Variants in RANBP2 observed in about 807,000 individuals in gnomAD.
The protein encoded by RANBP2 is RAN binding protein 2, also known as E3 SUMO-protein ligase RanBP2.
RANBP2 carries 57 observed loss-of-function variants against 303.6 expected under a neutral mutation model. That is an observed-to-expected ratio of 0.19 (90% CI 0.15 to 0.23). RANBP2 has a LOEUF of 0.23. Ranked by LOEUF, RANBP2 falls within the 10% of genes least tolerant of loss-of-function variation. The pLI, the probability that RANBP2 is intolerant of heterozygous loss-of-function variation, is 1.00. For synonymous variants in RANBP2, 1,167 were observed against 1,301.5 expected, an observed-to-expected ratio of 0.90 and a Z score of 2.23; for missense variants, 3,138 against 3,780.8, an observed-to-expected ratio of 0.83 and a Z score of 4.46.
At chr2:109,176,091 C>G in the RANBP2 span, among the ~76,000 whole-genome samples, 1 of 152,204 alleles carries the variant, frequency 6.6e-6, no homozygotes, top group Non-Finnish European at 1.5e-5. Flanking sequence ...ACTGGAAAGC[C>G]TCATTCTGTC....
chr2:109,394,300 G>T, the RANBP2 span, among the ~76,000 whole-genome samples: 2 of 152,224 alleles, frequency 1.3e-5, no homozygotes, highest in Admixed American at 1.3e-4. Flanking sequence ...GAGACCATAG[G>T]GTGGTAAGCG....
chr2:109,489,103 G>A, the RANBP2 span, among the ~76,000 whole-genome samples: 1 of 152,226 alleles, frequency 6.6e-6, no homozygotes, highest in Non-Finnish European at 1.5e-5. Context: ...CAGTGGAGTT[G>A]GAGGCTGGGA....
the RANBP2 span, among the ~76,000 whole-genome samples, chr2:108,942,024 A>G: frequency 6.6e-6 from 1 of 152,222 alleles, no homozygotes; most frequent in African/African-American, 2.4e-5. Context: ...TGGAAACTCC[A>G]CAGGTGCCTC....
chr2:109,553,059 G>C, the RANBP2 span: 55 of 1,599,148 alleles, frequency 3.4e-5, 1 homozygote, highest in African/African-American at 6.8e-4. Context: ...AAAAATAAAT[G>C]CAAATCACAT....
At chr2:108,839,421 T>G in the RANBP2 span, 1 of 803,252 alleles carries the variant, frequency 1.2e-6, no homozygotes, top group Admixed American at 2.9e-5. Flanking sequence ...CTTCCCTATC[T>G]ATGTCTTGCT....
chr2:109,060,318 G>A, the RANBP2 span, among the ~76,000 whole-genome samples: 2 of 152,176 alleles, frequency 1.3e-5, no homozygotes, highest in Admixed American at 6.5e-5. Context: ...TCCTGGACTC[G>A]ATCTCCTGGA....
the RANBP2 span, among the ~76,000 whole-genome samples, chr2:109,133,434 C>T: frequency 6.6e-6 from 1 of 152,164 alleles, no homozygotes; most frequent in African/African-American, 2.4e-5. Flanking sequence ...ATTTTATAAG[C>T]ATACACGTGT....
the RANBP2 span, chr2:108,791,457 CTATT>C: frequency 6.5e-5 from 35 of 536,794 alleles, no homozygotes; most frequent in Non-Finnish European, 1.1e-4. Context: ...TAAATTAAGT[CTATT>C]TAATGTGTAG....
chr2:109,223,799 T>C, the RANBP2 span, among the ~76,000 whole-genome samples: 1 of 152,210 alleles, frequency 6.6e-6, no homozygotes, highest in Non-Finnish European at 1.5e-5. Flanking sequence ...CACATGAAAG[T>C]GTTCAATACA....
At chr2:109,148,410 C>T in the RANBP2 span, among the ~76,000 whole-genome samples, 1 of 152,116 alleles carries the variant, frequency 6.6e-6, no homozygotes. Flanking sequence ...TTCTTAAAGG[C>T]GTTCTTTTTT....
the RANBP2 span, among the ~76,000 whole-genome samples, chr2:108,979,042 G>A: frequency 6.6e-6 from 1 of 152,344 alleles, no homozygotes; most frequent in South Asian, 2.1e-4. Flanking sequence ...TACTCAGTAA[G>A]CAGAGAGGTG....
At chr2:109,567,408 G>A in the RANBP2 span, among the ~76,000 whole-genome samples, 42 of 152,158 alleles carry the variant, frequency 2.8e-4, no homozygotes, top group Non-Finnish European at 5.3e-4. Flanking sequence ...GAGAGAAGGA[G>A]CATAAATACT....
chr2:109,437,243 A>G, the RANBP2 span: 4 of 1,456,040 alleles, frequency 2.7e-6, no homozygotes, highest in Non-Finnish European at 3.6e-6. Flanking sequence ...CCAGCAGTGC[A>G]TGTGTGGCTG....
At chr2:109,490,350 C>T in the RANBP2 span, among the ~76,000 whole-genome samples, 1 of 152,208 alleles carries the variant, frequency 6.6e-6, no homozygotes, top group Non-Finnish European at 1.5e-5. Flanking sequence ...TCTGCTTTAA[C>T]ACAGCCTGGT....
chr2:108,974,329 C>CAAAAAAAAAAAAAAAAAAAAAAAAAAA, the RANBP2 span, among the ~76,000 whole-genome samples: 1 of 61,496 alleles, frequency 1.6e-5, no homozygotes. Flanking sequence ...GGATCCGTCT[C>CAAAAAAAAAAAAAAAAAAAAAAAAAAA]AAAAAAAAAA....
At chr2:109,291,467 G>C in the RANBP2 span, among the ~76,000 whole-genome samples, 1 of 152,166 alleles carries the variant, frequency 6.6e-6, no homozygotes, top group African/African-American at 2.4e-5. Context: ...AGGGCCAGGA[G>C]GACCGGGCTC....
At chr2:109,763,188 G>C in the RANBP2 span, among the ~76,000 whole-genome samples, 2 of 149,932 alleles carry the variant, frequency 1.3e-5, no homozygotes, top group African/African-American at 4.9e-5. Flanking sequence ...CTTTACTGAG[G>C]TCATAAAACA....
At chr2:108,761,106 A>AT (rs534554235) in intron 18 of RANBP2, among the ~76,000 whole-genome samples, 159 of 146,016 alleles carry the variant, frequency 1.1e-3, no homozygotes, top group African/African-American at 3.3e-3. Flanking sequence ...TCAGACTAAG[A>AT]TTTTTTTTTT....
the RANBP2 span, among the ~76,000 whole-genome samples, chr2:109,409,380 A>G: frequency 6.6e-6 from 1 of 152,250 alleles, no homozygotes; most frequent in African/African-American, 2.4e-5. Flanking sequence ...TCCACCCTGC[A>G]GTATCAGAGC....
Sources: gnomAD v4.1 joint callset for allele counts (sites outside exome capture counted in the v4.1 genomes callset) on GRCh38, gnomAD v4.1.1 for gene constraint, MANE v1.5 for transcripts, NCBI Gene and HGNC (gene_info 2026-07-23, HGNC 2026-07-21) for gene names.